The following ANKRD11 variants were observed in gnomAD, a reference collection of about 807,000 sequenced individuals.
ANKRD11 encodes the protein ankyrin repeat domain 11.
ANKRD11 carries 17 observed loss-of-function variants against 195.7 expected under a neutral mutation model. That is an observed-to-expected ratio of 0.09 (90% CI 0.06 to 0.13). The LOEUF (loss-of-function observed/expected upper bound fraction) is 0.13. ANKRD11 is among the 10% of genes least tolerant of loss of function. The pLI, the probability that ANKRD11 is intolerant of heterozygous loss-of-function variation, is 1.00. For synonymous variants in ANKRD11, 1,953 were observed against 1,528.1 expected (o/e 1.28, Z -6.49); for missense variants, 3,735 against 3,566.1 (o/e 1.05, Z -1.21).
In ANKRD11 at chr16:89,305,218, CCTT is replaced by C. The variant is rs2036113599; in HGVS notation, c.211_213del (p.Lys71del). On this transcript the variant is annotated inframe_deletion, in exon 4 of 13. Coordinates refer to ENST00000301030, the MANE Select transcript of ANKRD11 (RefSeq NM_013275.6). ...CGCGGGCTGGTACCTGTGTCCGAGT[CCTT>C]CTGCTCCCCATTGGCGCCCGCGGTG... 6.2e-7 allele frequency: 1 copy of C among 1,612,816 alleles called. No individual in the cohort carries two copies. The highest frequency in any genetic ancestry group is 1.7e-5 in the Admixed American group (1 of 59,992).
chr16:89,298,237 G>A (rs1597513550), intron 4 of ANKRD11: 1 of 152,400 alleles, frequency 6.6e-6, no homozygotes, highest in South Asian at 2.1e-4. Context: ...CAAACAGAAC[G>A]GTTTCCCACC....
intron 2 of ANKRD11, among the ~76,000 whole-genome samples, chr16:89,337,372 A>G (rs77877726): frequency 0.013 from 1,812 of 142,184 alleles, 36 homozygotes; most frequent in African/African-American, 0.045. Context: ...TCAGACACTC[A>G]CAGTTTTTGT....
At chr16:89,387,848 C>G (rs2040990761) in intron 2 of ANKRD11, among the ~76,000 whole-genome samples, 1 of 151,128 alleles carries the variant, frequency 6.6e-6, no homozygotes, top group Non-Finnish European at 1.5e-5. Context: ...ACTAAAAATT[C>G]AAAAAAATTA....
intron 2 of ANKRD11, among the ~76,000 whole-genome samples, chr16:89,393,717 G>A (rs28533653): frequency 1.3e-5 from 2 of 152,004 alleles, no homozygotes; most frequent in East Asian, 1.9e-4. Flanking sequence ...CAGCCGGGCC[G>A]ATGGAAACAT....
At chr16:89,297,911 C>G (rs770163872) in intron 4 of ANKRD11, 6 of 152,408 alleles carry the variant, frequency 3.9e-5, no homozygotes, top group African/African-American at 1.4e-4. Flanking sequence ...TCATCTCTTA[C>G]GCCTTTCAGC....
At chr16:89,415,828 T>TC (rs2042277480) in intron 2 of ANKRD11, among the ~76,000 whole-genome samples, 1 of 21,728 alleles carries the variant, frequency 4.6e-5, no homozygotes, top group East Asian at 2.1e-3. Context: ...AGACTCTGTC[T>TC]CAAAAAAAAA....
intron 1 of ANKRD11, among the ~76,000 whole-genome samples, chr16:89,418,982 A>G (rs921332148): frequency 6.6e-5 from 10 of 152,106 alleles, no homozygotes; most frequent in African/African-American, 2.4e-4. Context: ...TCGGCCTTCC[A>G]AAGTGTTAGG....
At chr16:89,427,718 G>C (rs546368216) in intron 1 of ANKRD11, among the ~76,000 whole-genome samples, 2 of 152,016 alleles carry the variant, frequency 1.3e-5, no homozygotes, top group Admixed American at 6.5e-5. Context: ...AGAACTGCTT[G>C]AACCCAGGAG....
intron 1 of ANKRD11, chr16:89,420,314 C>A (rs1365537637): frequency 6.6e-6 from 1 of 152,208 alleles, no homozygotes; most frequent in Non-Finnish European, 1.5e-5. Context: ...CTCACTGCCA[C>A]TGGCATTTGG....
chr16:89,270,667 C>T (rs1298614588), intron 12 of ANKRD11, 150 bp downstream of exon 12: 2 of 791,190 alleles, frequency 2.5e-6, no homozygotes, highest in Admixed American at 4.1e-5. Flanking sequence ...AAAGCATCGG[C>T]CAGATTAAGA....
intron 1 of ANKRD11, among the ~76,000 whole-genome samples, chr16:89,423,345 C>T (rs1337860840): frequency 6.6e-6 from 1 of 152,228 alleles, no homozygotes; most frequent in African/African-American, 2.4e-5. Context: ...CACCATTAAC[C>T]CTGGGCTCCG....
At chr16:89,377,057 C>T (rs2040452416) in intron 2 of ANKRD11, among the ~76,000 whole-genome samples, 1 of 152,220 alleles carries the variant, frequency 6.6e-6, no homozygotes, top group South Asian at 2.1e-4. Context: ...CAGGAAGTAC[C>T]TTGCCTTGCC....
In ANKRD11 at chr16:89,284,353, C is replaced by G; in HGVS notation, c.2189G>C (p.Arg730Thr). 1 of 1,613,818 alleles carries G rather than the reference C, an allele frequency of 6.2e-7. No homozygotes were observed. The highest frequency in any genetic ancestry group is 8.5e-7 in the Non-Finnish European group (1 of 1,179,992). The change falls in exon 9 of 13, where the codon AGG becomes ACG. Residue 730 changes from arginine (R) to threonine (T), a missense_variant. Arg to Thr is a moderately conservative substitution (Grantham distance 71, BLOSUM62 -1). Coordinates refer to ENST00000301030, the MANE Select transcript of ANKRD11 (RefSeq NM_013275.6). ...RIKDTNKDISRSFREEKDRSN... is the reference protein window; with the variant it reads ...RIKDTNKDISTSFREEKDRSN... ...ACGGTCTTTCTCTTCTCGGAAAGAC[C>G]TGCTGATGTCTTTGTTTGTGTCTTT...
intron 2 of ANKRD11, among the ~76,000 whole-genome samples, chr16:89,406,248 G>A (rs940396087): frequency 1.9e-4 from 29 of 152,112 alleles, no homozygotes; most frequent in African/African-American, 5.3e-4. Flanking sequence ...TCTGAGAGTC[G>A]GCACCCACAC....
chr16:89,371,586 C>T (rs903020768), intron 2 of ANKRD11, among the ~76,000 whole-genome samples: 4 of 152,166 alleles, frequency 2.6e-5, no homozygotes, highest in Non-Finnish European at 4.4e-5. Flanking sequence ...AGGCAGGCGC[C>T]GCTCCCCACA....
In ANKRD11 at chr16:89,284,263, A is replaced by T; in HGVS notation, c.2279T>A (p.Leu760Gln). 1.2e-6 allele frequency: 2 copies of T among 1,613,490 alleles called. No individual in the cohort carries two copies. The highest frequency in any genetic ancestry group is 1.7e-6 in the Non-Finnish European group (2 of 1,179,934). ...TTTCTTCTTTCTCTCCTCTTTGTAC[A>T]GTCTCAGTTTTTCTTCTTTCGGAGA... ...EKSPKEEKLRLYKEERKKKSK... is the reference protein window; with the variant it reads ...EKSPKEEKLRQYKEERKKKSK... Residue 760 changes from leucine (L) to glutamine (Q), a missense_variant, in exon 9 of 13, where the codon CTG becomes CAG. Leu to Gln is a moderately radical substitution (Grantham distance 113). Transcript: ENST00000301030.
chr16:89,427,660 G>A (rs900647816), intron 1 of ANKRD11, among the ~76,000 whole-genome samples: 2 of 151,986 alleles, frequency 1.3e-5, no homozygotes, highest in African/African-American at 2.4e-5. Context: ...TTAGCTGGGT[G>A]TGGTGGCACA....
intron 2 of ANKRD11, among the ~76,000 whole-genome samples, chr16:89,337,408 A>G (rs1056807102): frequency 1.9e-4 from 26 of 133,906 alleles, no homozygotes; most frequent in African/African-American, 7.2e-4. Context: ...TGCACAATAC[A>G]TGAACATGGT....
rs1330029408 is a variant in ANKRD11, at chr16:89,284,386, T to C, written c.2156A>G (p.Lys719Arg). 8.1e-6 allele frequency: 13 copies of C among 1,613,760 alleles called. No individual in the cohort carries two copies. Among genetic ancestry groups the C allele is most frequent in the African/African-American group, 1.3e-5 (1 of 74,946 alleles). ...EWLFKDEKSLKRIKDTNKDIS... is the reference protein window; with the variant it reads ...EWLFKDEKSLRRIKDTNKDIS... ...GTCTTTGTTTGTGTCTTTGATTCTC[T>C]TCAGTGATTTTTCATCTTTAAAGAG... Residue 719 changes from lysine to arginine, a missense_variant, in exon 9 of 13, where the codon AAG (lysine) becomes AGG (arginine). Lys to Arg is a conservative substitution (Grantham distance 26, BLOSUM62 2). Transcript: ENST00000301030.
Sources: gnomAD v4.1 joint callset for allele counts (sites outside exome capture counted in the v4.1 genomes callset) on GRCh38, gnomAD v4.1.1 for gene constraint, MANE v1.5 for transcripts, NCBI Gene and HGNC (gene_info 2026-07-23, HGNC 2026-07-21) for gene names.